The following GRAP2 variants were observed in gnomAD, a reference collection of about 807,000 sequenced individuals.
The protein encoded by GRAP2 is GRB2 related adaptor protein 2, also known as GRB2-related adapter protein 2.
Under a neutral mutation model 43.5 loss-of-function variants are expected in GRAP2, and 31 were observed. The observed-to-expected ratio is 0.71, with a 90% confidence interval of 0.54 to 0.96. GRAP2 has a LOEUF of 0.96. Among genes scored for constraint, GRAP2 ranks in the 40% least tolerant of loss-of-function variants. The pLI, the probability that GRAP2 is intolerant of heterozygous loss-of-function variation, is 0.00. For missense variants in GRAP2, 371 were observed against 424.4 expected, an observed-to-expected ratio of 0.87 and a Z score of 1.11; for synonymous variants, 156 against 164.8, an observed-to-expected ratio of 0.95 and a Z score of 0.41.
chr22:39,941,153 T>C (rs1410717008), intron 1 of GRAP2, among the ~76,000 whole-genome samples: 1 of 152,240 alleles, frequency 6.6e-6, no homozygotes, highest in Non-Finnish European at 1.5e-5. Context: ...GGGCAGGTCA[T>C]TTGCATGTCT....
intron 4 of GRAP2, among the ~76,000 whole-genome samples, 198 bp from the exon 5 acceptor site, chr22:39,965,792 G>C (rs1458655862): frequency 6.6e-6 from 1 of 152,158 alleles, no homozygotes; most frequent in African/African-American, 2.4e-5. Flanking sequence ...GTCTAGCATA[G>C]CCTGTATCCT....
intron 1 of GRAP2, among the ~76,000 whole-genome samples, chr22:39,918,074 G>A (rs1057081432): frequency 2.6e-5 from 4 of 152,164 alleles, no homozygotes; most frequent in African/African-American, 9.7e-5. Context: ...ATGTTACAGA[G>A]AATGAATATT....
At chr22:39,920,380 G>A (rs2066639447) in intron 1 of GRAP2, among the ~76,000 whole-genome samples, 1 of 152,180 alleles carries the variant, frequency 6.6e-6, no homozygotes, top group Non-Finnish European at 1.5e-5. Flanking sequence ...TAAATTCAAA[G>A]AAAATCAACA....
chr22:39,921,712 A>G (rs897587314), intron 1 of GRAP2, among the ~76,000 whole-genome samples: 3 of 152,242 alleles, frequency 2.0e-5, no homozygotes, highest in African/African-American at 4.8e-5. Context: ...ACACAGAAAT[A>G]TTGTCTAGGA....
chr22:39,925,932 C>T (rs531504271), intron 1 of GRAP2, among the ~76,000 whole-genome samples: 1 of 152,336 alleles, frequency 6.6e-6, no homozygotes, highest in South Asian at 2.1e-4. Context: ...CTCCAGGAGA[C>T]TCTCCATGGC....
chr22:39,907,032 C>T (rs558332977), intron 1 of GRAP2, among the ~76,000 whole-genome samples: 11 of 152,288 alleles, frequency 7.2e-5, no homozygotes, highest in African/African-American at 2.4e-4. Flanking sequence ...TGAAAAGGCT[C>T]TCCTCCGCTA....
At chr22:39,938,506 G>A (rs2066830838) in intron 1 of GRAP2, among the ~76,000 whole-genome samples, 1 of 152,252 alleles carries the variant, frequency 6.6e-6, no homozygotes, top group Non-Finnish European at 1.5e-5. Flanking sequence ...GGGATCCCAT[G>A]TTGGGTGGAA....
intron 1 of GRAP2, among the ~76,000 whole-genome samples, chr22:39,926,349 G>T (rs2066697767): frequency 6.6e-6 from 1 of 152,034 alleles, no homozygotes; most frequent in African/African-American, 2.4e-5. Context: ...GTGTTAACAT[G>T]CACACGCAGC....
intron 1 of GRAP2, among the ~76,000 whole-genome samples, chr22:39,925,008 C>A (rs147647576): frequency 3.2e-4 from 49 of 152,216 alleles, no homozygotes; most frequent in Middle Eastern, 6.8e-3. Flanking sequence ...TGAGTAAAGG[C>A]AGAGTGGTGG....
At chr22:39,922,449 T>A (rs55771033) in intron 1 of GRAP2, among the ~76,000 whole-genome samples, 3,632 of 152,252 alleles carry the variant, frequency 0.024, 153 homozygotes, top group African/African-American at 0.083. Context: ...TACATGGGGC[T>A]GCTGTGACTG....
intron 1 of GRAP2, among the ~76,000 whole-genome samples, chr22:39,906,242 G>A (rs747727410): frequency 8.5e-5 from 13 of 152,122 alleles, no homozygotes; most frequent in Non-Finnish European, 1.5e-4. Flanking sequence ...ACCATAAAAC[G>A]CAAGAGTATA....
chr22:39,935,885 G>A (rs2066801915), intron 1 of GRAP2, among the ~76,000 whole-genome samples: 1 of 152,210 alleles, frequency 6.6e-6, no homozygotes, highest in Admixed American at 6.5e-5. Flanking sequence ...GGGGCGCTGA[G>A]CGTATTTGCA....
At chr22:39,934,004 G>A (rs1210527011) in intron 1 of GRAP2, among the ~76,000 whole-genome samples, 1 of 152,160 alleles carries the variant, frequency 6.6e-6, no homozygotes, top group Non-Finnish European at 1.5e-5. Flanking sequence ...TGCAAAAGAG[G>A]TCGAGGAAAG....
intron 1 of GRAP2, among the ~76,000 whole-genome samples, chr22:39,906,629 GTT>G (rs577547940): frequency 6.6e-6 from 1 of 152,034 alleles, no homozygotes; most frequent in Non-Finnish European, 1.5e-5. Flanking sequence ...GCCTTTTTAT[GTT>G]TTTTAATGAA....
chr22:39,901,861 T>C (rs2066495319), intron 1 of GRAP2, among the ~76,000 whole-genome samples: 1 of 152,204 alleles, frequency 6.6e-6, no homozygotes, highest in Admixed American at 6.5e-5. Flanking sequence ...TTTGGAAGGG[T>C]ATTGTCTCTC....
chr22:39,898,825 TAAAACAA>T (rs2066475536), upstream of GRAP2, among the ~76,000 whole-genome samples: 1 of 151,528 alleles, frequency 6.6e-6, no homozygotes, highest in South Asian at 2.1e-4. Flanking sequence ...AAAAACAAAA[TAAAACAA>T]AAAACAAAAC....
chr22:39,924,414 T>C (rs1424736510), intron 1 of GRAP2, among the ~76,000 whole-genome samples: 2 of 152,154 alleles, frequency 1.3e-5, no homozygotes, highest in African/African-American at 4.8e-5. Flanking sequence ...GAAGTGACAA[T>C]GCATGGTCGG....
intron 1 of GRAP2, among the ~76,000 whole-genome samples, chr22:39,921,752 G>A (rs551899842): frequency 6.6e-6 from 1 of 152,086 alleles, no homozygotes; most frequent in East Asian, 1.9e-4. Context: ...CTTATCATCT[G>A]TGGTCCATTA....
At position 39,941,569 on chromosome 22, in the gene GRAP2, T is replaced by C. The variant is rs142424396; in HGVS notation, c.-14-5524T>C. The stretch of plus-strand genomic sequence containing the variant: ...TTTGACCTTGAGCTAATTTACATTT[T>C]TACATGGTTGAAAAAAATATCAAAA... On this transcript the variant is annotated intron_variant, in intron 1 of 7. Transcript: ENST00000344138. Among the ~76,000 whole-genome samples, 464 of 152,348 alleles carry C rather than the reference T, an allele frequency of 3.0e-3. 3 individuals are homozygous for C. The highest frequency in any genetic ancestry group is 0.014 in the Middle Eastern group (4 of 294).
Sources: gnomAD v4.1 joint callset for allele counts (sites outside exome capture counted in the v4.1 genomes callset) on GRCh38, gnomAD v4.1.1 for gene constraint, MANE v1.5 for transcripts, NCBI Gene and HGNC (gene_info 2026-07-23, HGNC 2026-07-21) for gene names.